GSE1: variants seen among roughly 807,000 people sequenced by gnomAD.
GSE1 encodes Gse1 coiled-coil protein.
A neutral mutation model predicts 112.6 loss-of-function variants in GSE1; 32 were observed. That is an observed-to-expected ratio of 0.28 (90% confidence interval 0.21 to 0.38). The LOEUF is 0.38. Ranked by LOEUF, GSE1 falls within the 10% of genes least tolerant of loss-of-function variation. GSE1 has a pLI of 1.00. For missense variants in GSE1, 2,348 were observed against 1,699.2 expected (o/e 1.38, Z -6.71); for synonymous variants, 1,115 against 735.6 (o/e 1.52, Z -8.35).
chr16:85,393,517 C>T (rs2047895390), intron 2 of GSE1, among the ~76,000 whole-genome samples: 1 of 152,226 alleles, frequency 6.6e-6, no homozygotes, highest in South Asian at 2.1e-4. Context: ...CATATTGACA[C>T]CATCCCTGGA....
intron 1 of GSE1, among the ~76,000 whole-genome samples, chr16:85,222,905 G>T (rs1297115822): frequency 6.6e-6 from 1 of 152,082 alleles, no homozygotes; most frequent in Non-Finnish European, 1.5e-5. Flanking sequence ...TTTTAGTTTT[G>T]CATGCAAAAG....
intron 2 of GSE1, among the ~76,000 whole-genome samples, chr16:85,645,693 G>T (rs1249785326): frequency 1.3e-5 from 2 of 152,252 alleles, no homozygotes; most frequent in Non-Finnish European, 2.9e-5. Context: ...CAGTGAAGGG[G>T]AGATGAGGCT....
chr16:85,544,586 A>C (rs2044632982), intron 2 of GSE1, among the ~76,000 whole-genome samples: 1 of 152,238 alleles, frequency 6.6e-6, no homozygotes, highest in South Asian at 2.1e-4. Flanking sequence ...CGCACCCAGC[A>C]TGAGGGGAAA....
At chr16:85,413,075 C>T (rs1158044790) in intron 2 of GSE1, among the ~76,000 whole-genome samples, 2 of 152,330 alleles carry the variant, frequency 1.3e-5, no homozygotes, top group African/African-American at 4.8e-5. Flanking sequence ...CCACGGAGCC[C>T]CTGCTGCTCT....
At chr16:85,398,079 A>G (rs1184418434) in intron 2 of GSE1, among the ~76,000 whole-genome samples, 1 of 152,164 alleles carries the variant, frequency 6.6e-6, no homozygotes, top group Admixed American at 6.5e-5. Flanking sequence ...GCACCTTGGT[A>G]TTCTGGGGTA....
chr16:85,552,296 A>G (rs1209887734), upstream of GSE1, among the ~76,000 whole-genome samples: 1 of 123,166 alleles, frequency 8.1e-6, no homozygotes, highest in African/African-American at 3.1e-5. Flanking sequence ...AAGTGCTGGG[A>G]TTACAGGCGT....
At chr16:85,178,190 G>A (rs556907379) in intron 1 of GSE1, among the ~76,000 whole-genome samples, 9 of 152,182 alleles carry the variant, frequency 5.9e-5, no homozygotes, top group South Asian at 2.1e-4. Flanking sequence ...AGAAACAGGC[G>A]TGCACAGGGA....
intron 2 of GSE1, among the ~76,000 whole-genome samples, chr16:85,504,718 C>G (rs573206363): frequency 1.3e-5 from 2 of 152,112 alleles, no homozygotes; most frequent in Non-Finnish European, 2.9e-5. Flanking sequence ...GTCGGGATGT[C>G]TGGGGCTGCA....
intron 2 of GSE1, among the ~76,000 whole-genome samples, chr16:85,550,924 G>T (rs2044887323): frequency 6.6e-6 from 1 of 152,256 alleles, no homozygotes; most frequent in Non-Finnish European, 1.5e-5. Context: ...CCCATTGAGA[G>T]ATGAAGCAGT....
chr16:85,332,363 A>G lies in GSE1; in HGVS notation c.2284-25100A>G, dbSNP rs561290791. Among the ~76,000 whole-genome samples, 4 of 152,290 alleles carry G rather than the reference A, an allele frequency of 2.6e-5. No individual in the cohort carries two copies. The East Asian group carries it at 7.7e-4, about 29-fold the overall frequency. On this transcript the variant is annotated intron_variant, in intron 1 of 2. Transcript: ENST00000637419. ...CTAAGGAATGCGGTACATACCGAGC[A>G]TGCACTGCAGGTGCTTTGTCCTTAA...
intron 2 of GSE1, among the ~76,000 whole-genome samples, chr16:85,431,830 A>G (rs2049129991): frequency 6.6e-6 from 1 of 152,164 alleles, no homozygotes; most frequent in Non-Finnish European, 1.5e-5. Flanking sequence ...CAGCCTTCCC[A>G]ATCCCATTGT....
intron 2 of GSE1, among the ~76,000 whole-genome samples, chr16:85,437,203 T>TCCGCCG (rs1555511734): frequency 6.6e-6 from 1 of 151,924 alleles, no homozygotes; most frequent in African/African-American, 2.4e-5. Context: ...TGCGGACGCC[T>TCCGCCG]CCGCCGCCGG....
At chr16:85,320,456 T>TTGTTTTGTTG (rs1403620614) in intron 1 of GSE1, among the ~76,000 whole-genome samples, 2 of 151,334 alleles carry the variant, frequency 1.3e-5, no homozygotes, top group African/African-American at 4.9e-5. Flanking sequence ...TTGTTTTGTT[T>TTGTTTTGTTG]TGTTTTGTTT....
chr16:85,444,905 C>T (rs1029981652), intron 2 of GSE1, among the ~76,000 whole-genome samples: 21 of 152,192 alleles, frequency 1.4e-4, no homozygotes, highest in Admixed American at 8.5e-4. Flanking sequence ...TGCCCCTTCC[C>T]GCGGCGCTGG....
At chr16:85,261,263 T>A (rs1372616720) in intron 1 of GSE1, among the ~76,000 whole-genome samples, 2 of 152,318 alleles carry the variant, frequency 1.3e-5, no homozygotes, top group East Asian at 3.9e-4. Context: ...TGTCGTGTGC[T>A]TGCCTGTCAT....
At chr16:85,245,945 TGGG>T (rs1905612132) in intron 1 of GSE1, among the ~76,000 whole-genome samples, 2 of 148,104 alleles carry the variant, frequency 1.4e-5, no homozygotes, top group Admixed American at 6.7e-5. Context: ...GTGTGTTAGT[TGGG>T]GAGCAGGGCG....
intron 1 of GSE1, among the ~76,000 whole-genome samples, chr16:85,621,252 G>A (rs1000334049): frequency 1.3e-4 from 20 of 151,444 alleles, no homozygotes; most frequent in Admixed American, 3.3e-4. Flanking sequence ...AGATGGTTTC[G>A]GCCCTGGGTC....
At chr16:85,269,036 T>C (rs1466560293) in intron 1 of GSE1, among the ~76,000 whole-genome samples, 1 of 149,186 alleles carries the variant, frequency 6.7e-6, no homozygotes, top group Non-Finnish European at 1.5e-5. Flanking sequence ...AGTCAAGGGC[T>C]TCCTGGACAG....
intron 1 of GSE1, among the ~76,000 whole-genome samples, chr16:85,558,198 G>A (rs1180610872): frequency 6.6e-6 from 1 of 152,210 alleles, no homozygotes; most frequent in East Asian, 1.9e-4. Flanking sequence ...ACATTCATCA[G>A]AGCCCTTTAG....
Sources: gnomAD v4.1 joint callset for allele counts (sites outside exome capture counted in the v4.1 genomes callset) on GRCh38, gnomAD v4.1.1 for gene constraint, MANE v1.5 for transcripts, NCBI Gene and HGNC (gene_info 2026-07-23, HGNC 2026-07-21) for gene names.